NIBAN2: variants seen among roughly 807,000 people sequenced by gnomAD.
The protein encoded by NIBAN2 is protein Niban 2.
In NIBAN2, 36 loss-of-function variants were observed where a neutral mutation model predicts 81.8. That is an observed-to-expected ratio of 0.44 (90% CI 0.34 to 0.58). The LOEUF is 0.58. Ranked by LOEUF, NIBAN2 falls within the 20% of genes least tolerant of loss-of-function variation. The pLI is 0.02. For missense variants in NIBAN2, 897 were observed against 1,014.1 expected (o/e 0.88, Z 1.57); for synonymous variants, 445 against 441.6 (o/e 1.01, Z -0.10).
In NIBAN2 at chr9:127,506,687, A is replaced by G. The variant is rs1588147880; in HGVS notation, c.*158T>C. 5 of 529,188 alleles carry G rather than the reference A, an allele frequency of 9.4e-6. No individual in the cohort carries two copies. Among genetic ancestry groups the G allele is most frequent in the Admixed American group, 7.4e-5 (2 of 27,202 alleles). The allele number at this position is 529,188 out of a possible 1,614,324, so 32.8% of individuals were successfully genotyped here. A position where few individuals can be genotyped will look rare whatever the true frequency, so the allele number is the denominator to read the frequency against. On this transcript the variant is annotated 3_prime_UTR_variant, in exon 14 of 14. Transcript: ENST00000373312. ...CAAGAAAGTGTTGACTGAACCCAAT[A>G]AAGTGACTCAGGTGGGCCCGCTCCC...
At chr9:127,555,333 C>T (rs1032696539) in intron 1 of NIBAN2, among the ~76,000 whole-genome samples, 3 of 152,188 alleles carry the variant, frequency 2.0e-5, no homozygotes, top group Admixed American at 2.0e-4. Flanking sequence ...CCATTTCCTG[C>T]CTAGCCTTTA....
Position 127,536,991 on chromosome 9 carries a change from G to A in NIBAN2, c.56-5213C>T, listed in dbSNP as rs2132198233. On this transcript the variant is annotated intron_variant, in intron 1 of 13. Transcript: ENST00000373312. The surrounding 1 kb of genome is among the most constrained non-coding windows in gnomAD (Gnocchi z 4.0). The stretch of plus-strand genomic sequence containing the variant: ...GCTACAGAGAGGCTGGGGTGGGGTG[G>A]TGTGAAGGTGTGTGCCAGCTTCGTC... Among the ~76,000 whole-genome samples the A allele has an allele frequency of 6.6e-6, 1 of 152,334 alleles. No homozygotes were observed. Among genetic ancestry groups the A allele is most frequent in the South Asian group, 2.1e-4 (1 of 4,828 alleles).
At chr9:127,519,279 C>A (rs972254362) in intron 5 of NIBAN2, among the ~76,000 whole-genome samples, 1 of 151,828 alleles carries the variant, frequency 6.6e-6, no homozygotes, top group East Asian at 1.9e-4. Context: ...CTGTCAGTGG[C>A]CCAAACGCCA....
chr9:127,514,270 CAA>C (rs34295842), intron 8 of NIBAN2, among the ~76,000 whole-genome samples: 5 of 118,110 alleles, frequency 4.2e-5, no homozygotes, highest in Non-Finnish European at 6.8e-5. Context: ...ACTCTGTGTC[CAA>C]AAAAAAAAAA....
upstream of NIBAN2, among the ~76,000 whole-genome samples, chr9:127,573,564 C>T (rs565047344): frequency 1.3e-5 from 2 of 152,210 alleles, no homozygotes; most frequent in Admixed American, 6.5e-5. Flanking sequence ...CCCCTGCCCT[C>T]ACGCTGGAGG....
At chr9:127,514,388 G>A (rs1325699454) in intron 8 of NIBAN2, among the ~76,000 whole-genome samples, 1 of 151,930 alleles carries the variant, frequency 6.6e-6, no homozygotes, top group Non-Finnish European at 1.5e-5. Context: ...TTGCATGCCT[G>A]ATCAAAACAT....
Position 127,508,188 on chromosome 9 carries a change from C to T in NIBAN2, c.1447G>A (p.Asp483Asn), listed in dbSNP as rs372270814. The T allele has an allele frequency of 8.1e-6, 13 of 1,613,110 alleles. No individual in the cohort carries two copies. Among genetic ancestry groups the T allele is most frequent in the East Asian group, 6.7e-5 (3 of 44,884 alleles). ...LERVLKKYDYDSSSVRKRFFR... is the reference protein window; with the variant it reads ...LERVLKKYDYNSSSVRKRFFR... ...AACCTCTTCCGCACAGAGCTGCTGTCGTAGTCGTATTTCTGCAGGGAACAA... is the reference window on the plus strand; with the variant it reads ...AACCTCTTCCGCACAGAGCTGCTGTTGTAGTCGTATTTCTGCAGGGAACAA... The change falls in exon 12 of 14, where the codon GAC becomes AAC. Residue 483 changes from aspartate to asparagine, a missense_variant. Physicochemically the swap from Asp to Asn is conservative, Grantham distance 23 (BLOSUM62 1). Around this residue, in one of 3 missense-constraint regions of NIBAN2, gnomAD observed 619 missense variants for 691.0 expected, o/e 0.90. Transcript: ENST00000373312. This position sits in a 1 kb window ranked among gnomAD's most constrained non-coding sequence, Gnocchi z 6.4.
intron 1 of NIBAN2, among the ~76,000 whole-genome samples, chr9:127,557,637 A>C (rs115205704): frequency 1.6e-3 from 251 of 152,346 alleles, no homozygotes; most frequent in African/African-American, 5.9e-3. Flanking sequence ...AAGACAGGAA[A>C]GCTGAGCTGG....
In NIBAN2 at chr9:127,516,974, G is replaced by A. The variant is rs202219424; in HGVS notation, c.856C>T (p.Arg286Cys). The change falls in exon 8 of 14, where the codon CGC (arginine) becomes TGC (cysteine). Residue 286 changes from arginine (R) to cysteine (C), a missense_variant. Physicochemically the swap from Arg to Cys is radical, Grantham distance 180. Transcript: ENST00000373312. ...ACCTTGGACAGCACCTCCTCGAAGC[G>A]CGCCTTGGCCTGCTCGTACACCATG... ...YHMVYEQAKA[R>C]FEEVLSKVQQ... is the part of the protein sequence containing the mutation. The A allele has an allele frequency of 9.3e-6, 15 of 1,613,916 alleles. No individual in the cohort carries two copies. The highest frequency in any genetic ancestry group is 4.5e-5 in the East Asian group (2 of 44,880).
chr9:127,527,374 T>A lies in NIBAN2; in HGVS notation c.187-52A>T, dbSNP rs749513312. 5.8e-6 allele frequency: 9 copies of A among 1,546,788 alleles called. No homozygotes were observed. The African/African-American group carries it at 1.1e-4, about 19-fold the overall frequency. ...AGGCCCAGGTCTGGGGGGGTGGTGC[T>A]CCCCATGAAGCTGATGGCCCAGCCA... On this transcript the variant is annotated intron_variant, in intron 2 of 13. Transcript: ENST00000373312.
In NIBAN2 at chr9:127,523,658, C is replaced by T. The variant is rs750255250; in HGVS notation, c.589+21G>A. On this transcript the variant is annotated intron_variant, in intron 5 of 13. Coordinates refer to ENST00000373312, the MANE Select transcript of NIBAN2 (RefSeq NM_022833.4). The stretch of plus-strand genomic sequence containing the variant: ...GTCCTGCCCCTCCCTCCCACCGACC[C>T]TGCACCCACAGGCCACTCACCATTG... 16 of 1,599,996 alleles carry T rather than the reference C, an allele frequency of 1.0e-5. No individual in the cohort carries two copies. The South Asian group carries it at 1.8e-4, about 18-fold the overall frequency.
Position 127,509,146 on chromosome 9 carries a change from G to T in NIBAN2, c.1162-15C>A. The T allele has an allele frequency of 6.2e-7, 1 of 1,602,806 alleles. No homozygotes were observed. On this transcript the variant is annotated splice_polypyrimidine_tract_variant and intron_variant, in intron 9 of 13. Coordinates refer to ENST00000373312, the MANE Select transcript of NIBAN2 (RefSeq NM_022833.4). ...TTCTCCATGTACTGCAGGGGCCGGG[G>T]CCGCGGGGGCTGAGCAGGGCCGCCC...
intron 5 of NIBAN2, among the ~76,000 whole-genome samples, chr9:127,521,904 T>C (rs1327902914): frequency 1.3e-5 from 2 of 152,232 alleles, no homozygotes; most frequent in South Asian, 2.1e-4. Flanking sequence ...CAATCATCTC[T>C]CAAGCTCAAG....
chr9:127,527,830 T>C (rs946719149), intron 2 of NIBAN2, among the ~76,000 whole-genome samples: 2 of 152,096 alleles, frequency 1.3e-5, no homozygotes, highest in South Asian at 2.1e-4. Flanking sequence ...AGGGCAATGA[T>C]AACTTGAACA....
In NIBAN2 at chr9:127,507,054, CG is replaced by C. The variant is rs1414679154; in HGVS notation, c.2031del (p.Ala678LeufsTer75). ...PPAGPLLNGA[P>X]AGESPQPKAA... ...GCCTTAGGCTGGGGACTCTCCCCAG[CG>C]GGGGCCCCGTTGAGCAGGGGGCCGG... On this transcript the variant is annotated frameshift_variant, in exon 14 of 14. Coordinates refer to ENST00000373312, the MANE Select transcript of NIBAN2 (RefSeq NM_022833.4). LOFTEE classifies it high-confidence loss of function. This position sits in a 1 kb window ranked among gnomAD's most constrained non-coding sequence, Gnocchi z 6.8. 2 of 1,578,106 alleles carry C rather than the reference CG, an allele frequency of 1.3e-6. No homozygotes were observed. The highest frequency in any genetic ancestry group is 1.7e-6 in the Non-Finnish European group (2 of 1,161,742).
chr9:127,568,022 T>G (rs1837888340), intron 1 of NIBAN2, among the ~76,000 whole-genome samples: 1 of 152,068 alleles, frequency 6.6e-6, no homozygotes, highest in Non-Finnish European at 1.5e-5. Context: ...CCAGAGTCTG[T>G]GGGGAAAAGG....
At chr9:127,551,505 A>G (rs1352386412) in intron 1 of NIBAN2, among the ~76,000 whole-genome samples, 3 of 152,124 alleles carry the variant, frequency 2.0e-5, no homozygotes, top group African/African-American at 4.8e-5. Flanking sequence ...CCTGGGCAAC[A>G]GAGCGAGACT....
At chr9:127,523,988 G>A in intron 4 of NIBAN2, 142 bp from the exon 5 acceptor site, 1 of 849,536 alleles carries the variant, frequency 1.2e-6, no homozygotes, top group South Asian at 1.8e-5. Context: ...TGACCAGCAA[G>A]CCGGCGGGGG....
intron 1 of NIBAN2, among the ~76,000 whole-genome samples, chr9:127,562,384 G>T (rs1837789075): frequency 6.6e-6 from 1 of 152,192 alleles, no homozygotes; most frequent in South Asian, 2.1e-4. Context: ...ACAAAGGAAG[G>T]CTTGGCACAT....
Sources: gnomAD v4.1 joint callset for allele counts (sites outside exome capture counted in the v4.1 genomes callset) on GRCh38, gnomAD v4.1.1 for gene constraint, gnomAD v4.1.1 regional missense constraint, Gnocchi (gnomAD v3.1) non-coding constraint, MANE v1.5 for transcripts, NCBI Gene and HGNC (gene_info 2026-07-23, HGNC 2026-07-21) for gene names.